Variants in PRELID2 observed in about 807,000 individuals in gnomAD.
PRELID2 encodes PRELI domain containing 2, also known as PRELI domain-containing protein 2.
Under a neutral mutation model 28.4 loss-of-function variants are expected in PRELID2, and 25 were observed. That is an observed-to-expected ratio of 0.88 (90% CI 0.64 to 1.23). PRELID2 has a LOEUF of 1.23. Among genes scored for constraint, PRELID2 ranks in the 50% most tolerant of loss-of-function variants. The pLI is 0.00. For missense variants in PRELID2, 201 were observed against 214.4 expected, an observed-to-expected ratio of 0.94 and a Z score of 0.39; for synonymous variants, 76 against 71.6, an observed-to-expected ratio of 1.06 and a Z score of -0.31.
chr5:145,784,681 G>T (rs4628045), intron 5 of PRELID2, among the ~76,000 whole-genome samples: 118,171 of 151,904 alleles, frequency 0.78, 47,103 homozygotes, highest in East Asian at 0.91. Context: ...GGAATATTAT[G>T]CAGGCATCAA....
chr5:145,712,406 T>A (rs1349927333), intron 1 of PRELID2, among the ~76,000 whole-genome samples: 1 of 152,192 alleles, frequency 6.6e-6, no homozygotes, highest in East Asian at 1.9e-4. Context: ...GACATCATGT[T>A]GATAGTTTGA....
At chr5:145,353,861 A>C in the PRELID2 span, among the ~76,000 whole-genome samples, 1 of 152,194 alleles carries the variant, frequency 6.6e-6, no homozygotes, top group Non-Finnish European at 1.5e-5. Flanking sequence ...TTATGATCAT[A>C]AAAGATTTTA....
the PRELID2 span, among the ~76,000 whole-genome samples, chr5:145,437,467 A>G: frequency 3.3e-5 from 5 of 152,166 alleles, no homozygotes; most frequent in African/African-American, 1.2e-4. Context: ...TCAGCCAGAA[A>G]GCAATTAAAT....
chr5:145,558,351 CA>C (rs1752898688), intron 1 of PRELID2, among the ~76,000 whole-genome samples: 1 of 152,156 alleles, frequency 6.6e-6, no homozygotes, highest in Non-Finnish European at 1.5e-5. Flanking sequence ...ACCCATGAAC[CA>C]AATGGTTCAT....
At chr5:145,604,277 G>A (rs984338352) in intron 1 of PRELID2, among the ~76,000 whole-genome samples, 9 of 152,130 alleles carry the variant, frequency 5.9e-5, no homozygotes, top group Admixed American at 2.0e-4. Flanking sequence ...CCTAGTGTCT[G>A]TTGTTCCTTT....
rs143187591 is a variant in PRELID2, at chr5:145,652,818, G to A, written n.70+112113C>T. Among the ~76,000 whole-genome samples the A allele has an allele frequency of 5.4e-4, 82 of 152,268 alleles. No individual in the cohort carries two copies. In the East Asian group the frequency reaches 0.013, roughly 25 times the overall value. ...AACATGCCAAAGTGTAAAGACCATCGATGCTAGAAAGAAACTGCATCAATT... is the reference window on the plus strand; with the variant it reads ...AACATGCCAAAGTGTAAAGACCATCAATGCTAGAAAGAAACTGCATCAATT... On this transcript the variant is annotated intron_variant and non_coding_transcript_variant, in intron 1 of 2. Coordinates refer to the PRELID2 transcript ENST00000510259.
chr5:145,739,488 G>C (rs1756589892), intron 1 of PRELID2, among the ~76,000 whole-genome samples: 1 of 152,106 alleles, frequency 6.6e-6, no homozygotes, highest in South Asian at 2.1e-4. Flanking sequence ...CTGGGCAACA[G>C]TGCGAGACTC....
the PRELID2 span, among the ~76,000 whole-genome samples, chr5:145,435,388 C>T: frequency 7.9e-5 from 12 of 151,990 alleles, no homozygotes; most frequent in Non-Finnish European, 1.6e-4. Flanking sequence ...GGCCCACAAG[C>T]CAGAGCAAGT....
chr5:145,524,389 C>T (rs180737414), intron 1 of PRELID2, among the ~76,000 whole-genome samples: 143 of 152,282 alleles, frequency 9.4e-4, no homozygotes, highest in African/African-American at 3.2e-3. Flanking sequence ...AGGATTTGGC[C>T]ATTTCCCGGG....
At chr5:145,804,083 AAATT>A (rs1174942376) in intron 4 of PRELID2, among the ~76,000 whole-genome samples, 1 of 152,218 alleles carries the variant, frequency 6.6e-6, no homozygotes, top group Non-Finnish European at 1.5e-5. Context: ...GTTGTTACCT[AAATT>A]ATTAACAATG....
Position 145,817,893 on chromosome 5 carries a change from C to G in PRELID2, c.368+1G>C. 6.5e-7 allele frequency: 1 copy of G among 1,542,330 alleles called. No homozygotes were observed. The highest frequency in any genetic ancestry group is 2.0e-5 in the Admixed American group (1 of 48,894). On this transcript the variant is annotated splice_donor_variant, in intron 4 of 6. Transcript: ENST00000683046. LOFTEE classifies it high-confidence loss of function. ...CACACACATATACACACGAGTCTTA[C>G]CAATTTGGGTTTTCCATACTTTCCC...
At chr5:145,255,764 G>C in the PRELID2 span, among the ~76,000 whole-genome samples, 1 of 152,024 alleles carries the variant, frequency 6.6e-6, no homozygotes, top group Non-Finnish European at 1.5e-5. Flanking sequence ...CTGGATGACA[G>C]AGCAAGACTC....
At chr5:145,430,869 A>G in the PRELID2 span, among the ~76,000 whole-genome samples, 2 of 152,068 alleles carry the variant, frequency 1.3e-5, no homozygotes, top group Non-Finnish European at 2.9e-5. Flanking sequence ...TGCAAATTAT[A>G]TAGCTGATCT....
chr5:145,425,231 G>A, the PRELID2 span, among the ~76,000 whole-genome samples: 2 of 152,124 alleles, frequency 1.3e-5, no homozygotes, highest in South Asian at 2.1e-4. Context: ...CAGTCAGAAC[G>A]GCTATTACTA....
intron 1 of PRELID2, among the ~76,000 whole-genome samples, chr5:145,506,534 C>T (rs1312317549): frequency 1.3e-5 from 2 of 152,118 alleles, no homozygotes; most frequent in Non-Finnish European, 2.9e-5. Flanking sequence ...ATGTTCCTTT[C>T]ATTGTGCGTA....
intron 1 of PRELID2, among the ~76,000 whole-genome samples, chr5:145,617,315 G>C (rs539712769): frequency 6.6e-6 from 1 of 152,208 alleles, no homozygotes; most frequent in Non-Finnish European, 1.5e-5. Context: ...TATTGACTGG[G>C]GAAGTGGTAA....
At chr5:145,251,354 GC>G in the PRELID2 span, among the ~76,000 whole-genome samples, 2 of 152,104 alleles carry the variant, frequency 1.3e-5, no homozygotes, top group Non-Finnish European at 2.9e-5. Context: ...TGCTGCCCAA[GC>G]AAACTTTTTA....
At position 145,771,177 on chromosome 5, in the gene PRELID2, T is replaced by C. The variant is rs1469674562; in HGVS notation, c.475-6177A>G. Among the ~76,000 whole-genome samples, 3 of 152,222 alleles carry C rather than the reference T, an allele frequency of 2.0e-5. No individual in the cohort carries two copies. The East Asian group carries it at 5.8e-4, about 30-fold the overall frequency. On this transcript the variant is annotated intron_variant, in intron 5 of 6. Coordinates refer to ENST00000683046, the MANE Select transcript of PRELID2 (RefSeq NM_205846.3). ...CTCTACTGTTTCCTATATTTAGCTA[T>C]GTTTGGATACACAAATAGTTATCAT...
intron 4 of PRELID2, among the ~76,000 whole-genome samples, chr5:145,817,421 T>TTA (rs6149278): frequency 0.11 from 11,636 of 103,458 alleles, 1,101 homozygotes; most frequent in East Asian, 0.32. Context: ...TAAGCTAGTT[T>TTA]TATATATATA....
Sources: gnomAD v4.1 joint callset for allele counts (sites outside exome capture counted in the v4.1 genomes callset) on GRCh38, gnomAD v4.1.1 for gene constraint, MANE v1.5 for transcripts, NCBI Gene and HGNC (gene_info 2026-07-23, HGNC 2026-07-21) for gene names.